KIF1A: variants seen among roughly 807,000 people sequenced by gnomAD.
KIF1A encodes kinesin family member 1A, also known as kinesin-like protein KIF1A.
A neutral mutation model predicts 227.3 loss-of-function variants in KIF1A; 46 were observed. That is an observed-to-expected ratio of 0.20 (90% CI 0.16 to 0.26). The LOEUF (loss-of-function observed/expected upper bound fraction) is 0.26, where lower values mean the gene tolerates loss of function less well. Ranked by LOEUF, KIF1A falls within the 10% of genes least tolerant of loss-of-function variation. The probability of loss-of-function intolerance (pLI) is 1.00; values close to 1 mark genes in which losing one functional copy is unlikely to be tolerated. For synonymous variants in KIF1A, 1,022 were observed against 1,012.8 expected, an observed-to-expected ratio of 1.01 and a Z score of -0.17; for missense variants, 1,683 against 2,485.9, an observed-to-expected ratio of 0.68 and a Z score of 6.87.
At chr2:240,780,207 C>A (rs1341082583) in intron 10 of KIF1A, among the ~76,000 whole-genome samples, 1 of 152,036 alleles carries the variant, frequency 6.6e-6, no homozygotes, top group Non-Finnish European at 1.5e-5. Context: ...GCCTGGCCCC[C>A]CGCAGTTTCT....
intron 44 of KIF1A, among the ~76,000 whole-genome samples, 180 bp from the exon 45 acceptor site, chr2:240,721,218 TGGCCCCTGGCC>T (rs1159394344): frequency 6.6e-6 from 1 of 152,110 alleles, no homozygotes; most frequent in African/African-American, 2.4e-5. Flanking sequence ...CCAGCCCCTG[TGGCCCCTGGCC>T]GGCCCCTCCC....
At position 240,736,602 on chromosome 2, in the gene KIF1A, A is replaced by C. The variant is rs1024355268; in HGVS notation, c.4007+461T>G. On this transcript the variant is annotated intron_variant, in intron 38 of 48. Coordinates refer to ENST00000498729, the MANE Select transcript of KIF1A (RefSeq NM_001244008.2). This position sits in a 1 kb window ranked among gnomAD's most constrained non-coding sequence, Gnocchi z 4.7. ...GTCTTGGCCGTGCAAGGAGTGTAGG[A>C]AGGAGCAGCCTGGTGATGAGGGGCC... Among the ~76,000 whole-genome samples the C allele has an allele frequency of 2.6e-5, 4 of 152,204 alleles. No individual in the cohort carries two copies. Among genetic ancestry groups the C allele is most frequent in the African/African-American group, 9.7e-5 (4 of 41,450 alleles).
Position 240,766,747 on chromosome 2 carries a change from T to C in KIF1A, c.1684+168A>G, listed in dbSNP as rs35734942. On this transcript the variant is annotated intron_variant, in intron 19 of 48. Transcript: ENST00000498729. The surrounding 1 kb of genome is among the most constrained non-coding windows in gnomAD (Gnocchi z 5.0). ...ATCTCTCTCTCTCTCTCTCTCTCTCTCTCACACACACACACACACACACAC... is the reference window on the plus strand; with the variant it reads ...ATCTCTCTCTCTCTCTCTCTCTCTCCCTCACACACACACACACACACACAC... Among the ~76,000 whole-genome samples the C allele has an allele frequency of 1.7e-5, 2 of 119,442 alleles. No individual in the cohort carries two copies. The highest frequency in any genetic ancestry group is 3.3e-5 in the Non-Finnish European group (2 of 60,202). The allele number at this position is 119,442 out of a possible 152,430, so 78.4% of individuals were successfully genotyped here. A position where few individuals can be genotyped will look rare whatever the true frequency, so the allele number is the denominator to read the frequency against.
At chr2:240,746,810 G>A (rs1575565264) in intron 29 of KIF1A, among the ~76,000 whole-genome samples, 1 of 152,362 alleles carries the variant, frequency 6.6e-6, no homozygotes, top group African/African-American at 2.4e-5. Context: ...GAGGACCGCA[G>A]GTAGGCAGCC....
At chr2:240,749,610 C>T (rs2048987957) in intron 28 of KIF1A, among the ~76,000 whole-genome samples, 2 of 152,206 alleles carry the variant, frequency 1.3e-5, no homozygotes, top group African/African-American at 4.8e-5. Context: ...ACGGCACAAG[C>T]CGCCTGTTGC....
At chr2:240,769,585 G>C (rs1377818259) in intron 16 of KIF1A, 42 bp downstream of exon 16, 1 of 1,546,174 alleles carries the variant, frequency 6.5e-7, no homozygotes, top group East Asian at 2.3e-5. Flanking sequence ...GGGCTTGCTG[G>C]CTGCACCCCT....
chr2:240,748,973 T>C (rs993482880), intron 28 of KIF1A, among the ~76,000 whole-genome samples: 1 of 151,862 alleles, frequency 6.6e-6, no homozygotes, highest in African/African-American at 2.4e-5. Context: ...ATAAAAAAAT[T>C]AGCTGGGCGT....
At chr2:240,761,118 C>A in intron 24 of KIF1A, 111 bp downstream of exon 24, 2 of 1,300,386 alleles carry the variant, frequency 1.5e-6, no homozygotes, top group South Asian at 2.8e-5. Flanking sequence ...TGCTATGCCA[C>A]CCCCGGGGCC....
chr2:240,772,690 G>T (rs1429056798), intron 13 of KIF1A, 94 bp from the exon 14 acceptor site: 1 of 1,050,982 alleles, frequency 9.5e-7, no homozygotes, highest in East Asian at 2.6e-5. Flanking sequence ...TCACAGGCCA[G>T]GGTGGCCAGC....
rs2047760440 is a variant in KIF1A at position 240,739,966 on chromosome 2, G to C, written c.3901+92C>G. On this transcript the variant is annotated intron_variant, in intron 37 of 48. Coordinates refer to ENST00000498729, the MANE Select transcript of KIF1A (RefSeq NM_001244008.2). This position sits in a 1 kb window ranked among gnomAD's most constrained non-coding sequence, Gnocchi z 5.6. ...GGGTCACGCAGCAACAGACGCAGAG[G>C]TGTGGTTAGAACCCGGGTATCCAGC... The C allele has an allele frequency of 2.2e-6, 2 of 923,180 alleles. No homozygotes were observed. 57.2% of individuals were successfully genotyped at this position (923,180 alleles called of 1,614,324 possible). A position where few individuals can be genotyped will look rare whatever the true frequency, so the allele number is the denominator to read the frequency against.
At chr2:240,800,754 T>C (rs2056895690) in intron 1 of KIF1A, among the ~76,000 whole-genome samples, 1 of 151,546 alleles carries the variant, frequency 6.6e-6, no homozygotes, top group African/African-American at 2.4e-5. Context: ...CAAAGAGGAG[T>C]CTTGCACAGT....
intron 27 of KIF1A, among the ~76,000 whole-genome samples, chr2:240,754,771 G>A (rs1163420808): frequency 6.6e-6 from 1 of 152,110 alleles, no homozygotes; most frequent in Non-Finnish European, 1.5e-5. Context: ...CAGGATCTCG[G>A]GCCGAGAGAC....
intron 48 of KIF1A, 131 bp from the exon 49 acceptor site, chr2:240,717,537 A>T: frequency 5.1e-6 from 4 of 780,246 alleles, no homozygotes; most frequent in Non-Finnish European, 8.6e-6. Flanking sequence ...TTCCCTCACC[A>T]CCTGGGGAAG....
In KIF1A at chr2:240,737,172, C is replaced by A; in HGVS notation, c.3902-4G>T. ...TCTGGAGTGTTTCGGATGCGGCCTG[C>A]AGAAAAGGCAACGGGCCACAGGTCA... On this transcript the variant is annotated splice_region_variant and splice_polypyrimidine_tract_variant and intron_variant, in intron 37 of 48. Coordinates refer to ENST00000498729, the MANE Select transcript of KIF1A (RefSeq NM_001244008.2). 1 of 1,612,612 alleles carries A rather than the reference C, an allele frequency of 6.2e-7. No individual in the cohort carries two copies.
intron 1 of KIF1A, among the ~76,000 whole-genome samples, chr2:240,800,369 G>A (rs906047887): frequency 2.0e-5 from 3 of 152,140 alleles, no homozygotes; most frequent in African/African-American, 7.2e-5. Context: ...GCCAGCAGCC[G>A]ACCAATGCAT....
chr2:240,732,013 G>A (rs1414977799), intron 38 of KIF1A, among the ~76,000 whole-genome samples: 6 of 113,090 alleles, frequency 5.3e-5, no homozygotes, highest in African/African-American at 1.7e-4. Flanking sequence ...ATGACGGGAG[G>A]AGGGAATGAG....
chr2:240,767,259 C>A lies in KIF1A; in HGVS notation c.1577+7G>T. On this transcript the variant is annotated splice_region_variant and intron_variant, in intron 18 of 48. Coordinates refer to ENST00000498729, the MANE Select transcript of KIF1A (RefSeq NM_001244008.2). ...CAGGCTGGAGTGGCTGCCAGGTCCC[C>A]TCTCACCTGGTGATCCCATCCTTGA... is the stretch of plus-strand genomic sequence containing the variant. 1 of 1,609,122 alleles carries A rather than the reference C, an allele frequency of 6.2e-7. No homozygotes were observed. The highest frequency in any genetic ancestry group is 1.1e-5 in the South Asian group (1 of 90,806).
At chr2:240,808,319 T>C (rs1007041898) in intron 1 of KIF1A, among the ~76,000 whole-genome samples, 9 of 152,144 alleles carry the variant, frequency 5.9e-5, no homozygotes, top group African/African-American at 2.2e-4. Context: ...AAGAACATTC[T>C]TATATACCTG....
Position 240,769,123 on chromosome 2 carries a change from T to C in KIF1A, c.1497+10A>G, listed in dbSNP as rs2051594749. On this transcript the variant is annotated intron_variant, in intron 17 of 48. Transcript: ENST00000498729. ...TGAGGGCAGTACCACAGAACTGAGA[T>C]AGCTCCTACCTTTTTGGGAGAGAAT... The C allele has an allele frequency of 3.7e-6, 6 of 1,604,768 alleles. No individual in the cohort carries two copies. The highest frequency in any genetic ancestry group is 2.2e-5 in the East Asian group (1 of 44,642).
Sources: gnomAD v4.1 joint callset for allele counts (sites outside exome capture counted in the v4.1 genomes callset) on GRCh38, gnomAD v4.1.1 for gene constraint, Gnocchi (gnomAD v3.1) non-coding constraint, MANE v1.5 for transcripts, NCBI Gene and HGNC (gene_info 2026-07-23, HGNC 2026-07-21) for gene names.